CBR3: variants seen among roughly 807,000 people sequenced by gnomAD.
The protein encoded by CBR3 is carbonyl reductase 3.
A neutral mutation model predicts 11.6 loss-of-function variants in CBR3; 14 were observed. The ratio of observed to expected loss-of-function variants is 1.20; its 90% confidence interval spans 0.79 to 1.88. The LOEUF (loss-of-function observed/expected upper bound fraction) is 1.88, where lower values mean the gene tolerates loss of function less well. Among genes scored for constraint, CBR3 ranks in the 40% most tolerant of loss-of-function variants. The probability of loss-of-function intolerance (pLI) is 0.00; values close to 1 mark genes in which losing one functional copy is unlikely to be tolerated. For synonymous variants in CBR3, 125 were observed against 145.6 expected (o/e 0.86, Z 1.02); for missense variants, 308 against 357.3 (o/e 0.86, Z 1.11).
chr21:36,135,122 C>T lies in CBR3; in HGVS notation c.-71C>T. 1.4e-5 allele frequency: 19 copies of T among 1,374,324 alleles called. No individual in the cohort carries two copies. The highest frequency in any genetic ancestry group is 1.8e-5 in the Non-Finnish European group (19 of 1,059,420). The allele number at this position is 1,374,324 out of a possible 1,614,324, so 85.1% of individuals were successfully genotyped here. On this transcript the variant is annotated 5_prime_UTR_variant, in exon 1 of 3. Coordinates refer to ENST00000290354, the MANE Select transcript of CBR3 (RefSeq NM_001236.4). ...CGGCATTGACACTAGCTGGGCTCCT[C>T]GGGGCGCGCCCCAGGTGGTCCGAAG... is the stretch of plus-strand genomic sequence containing the variant.
chr21:36,146,095 T>C lies in CBR3; in HGVS notation c.417T>C (p.Ser139=), dbSNP rs569718937. Residue 139 remains serine (S), a synonymous_variant, in exon 3 of 3, where the codon AGT becomes AGC. Transcript: ENST00000290354. ...TTTCAGGGAGAGTGGTGAATATCAG[T>C]AGTTTGCAGTGTTTAAGGGCTTTTG... The part of the protein sequence containing the change: ...MKPHGRVVNI[S]SLQCLRAFEN... 6.2e-7 allele frequency: 1 copy of C among 1,611,816 alleles called. No homozygotes were observed. The highest frequency in any genetic ancestry group is 1.1e-5 in the South Asian group (1 of 91,048).
chr21:36,145,056 A>T (rs565813086), intron 2 of CBR3: 1 of 152,396 alleles, frequency 6.6e-6, no homozygotes, highest in South Asian at 2.1e-4. Context: ...GTGAGCCAAG[A>T]TTGTGCCACT....
intron 2 of CBR3, chr21:36,138,308 C>A: frequency 6.1e-6 from 1 of 163,872 alleles, no homozygotes; most frequent in East Asian, 1.7e-4. Context: ...CTACCACACC[C>A]GGCTAATTTT....
At chr21:36,136,647 T>C (rs896723550) in intron 1 of CBR3, among the ~76,000 whole-genome samples, 3 of 151,904 alleles carry the variant, frequency 2.0e-5, no homozygotes, top group Non-Finnish European at 4.4e-5. Flanking sequence ...CCTTTCAAGG[T>C]ATGGGGAATG....
chr21:36,143,866 T>G (rs1396081866), intron 2 of CBR3, among the ~76,000 whole-genome samples: 2 of 113,728 alleles, frequency 1.8e-5, no homozygotes, highest in African/African-American at 3.6e-5. Flanking sequence ...GCTGGCAGAG[T>G]GAGATTCTGT....
At chr21:36,135,608 C>G (rs45581835) in intron 1 of CBR3, 127 bp downstream of exon 1, 40,197 of 849,404 alleles carry the variant, frequency 0.047, 1,127 homozygotes, top group Non-Finnish European at 0.056. Flanking sequence ...GGGATGCGCT[C>G]AGCCCACGCC....
chr21:36,141,708 T>A (rs2065710939), intron 2 of CBR3: 1 of 153,346 alleles, frequency 6.5e-6, no homozygotes. Context: ...CACCTGGACC[T>A]CAGTGGAGGG....
intron 1 of CBR3, chr21:36,135,735 C>T (rs111542075): frequency 6.6e-6 from 3 of 453,996 alleles, no homozygotes; most frequent in African/African-American, 4.1e-5. Flanking sequence ...GGGGCCCTCC[C>T]CGAACTGTCA....
intron 1 of CBR3, among the ~76,000 whole-genome samples, chr21:36,135,858 C>T (rs1032931095): frequency 2.6e-5 from 4 of 152,350 alleles, no homozygotes; most frequent in Admixed American, 2.6e-4. Flanking sequence ...AAACGGTCTC[C>T]GCTCGCTTTG....
chr21:36,141,023 A>AAAAG (rs570303594), intron 2 of CBR3, among the ~76,000 whole-genome samples: 12 of 140,592 alleles, frequency 8.5e-5, no homozygotes, highest in African/African-American at 2.0e-4. Context: ...AAAAAAAAAA[A>AAAAG]AAAGAAAGAA....
At chr21:36,143,131 C>G (rs752620332) in intron 2 of CBR3, among the ~76,000 whole-genome samples, 7 of 151,928 alleles carry the variant, frequency 4.6e-5, no homozygotes, top group Non-Finnish European at 7.4e-5. Context: ...ATGGTGAAAC[C>G]CCATCTCTCC....
intron 2 of CBR3, among the ~76,000 whole-genome samples, chr21:36,142,388 C>A (rs967113209): frequency 2.4e-5 from 3 of 124,728 alleles, no homozygotes; most frequent in Non-Finnish European, 4.7e-5. Flanking sequence ...GCCGAGATCA[C>A]GCCACTGCAC....
chr21:36,140,870 T>C (rs2065702402), intron 2 of CBR3, among the ~76,000 whole-genome samples: 1 of 151,784 alleles, frequency 6.6e-6, no homozygotes, highest in Non-Finnish European at 1.5e-5. Context: ...TAGCCAGGCA[T>C]GGTGGTGGGC....
At chr21:36,142,916 G>C (rs1039054490) in intron 2 of CBR3, among the ~76,000 whole-genome samples, 2 of 152,172 alleles carry the variant, frequency 1.3e-5, no homozygotes, top group African/African-American at 4.8e-5. Context: ...CAAGGACAGA[G>C]TGAGGGTATC....
At chr21:36,142,177 A>G (rs538750223) in intron 2 of CBR3, among the ~76,000 whole-genome samples, 79 of 152,184 alleles carry the variant, frequency 5.2e-4, no homozygotes, top group Non-Finnish European at 9.8e-4. Flanking sequence ...TCACGCCTGT[A>G]ATCCCAGCAC....
rs547133870 is a variant in CBR3, at chr21:36,142,356, C to T, written c.398-3720C>T. On this transcript the variant is annotated intron_variant, in intron 2 of 2. Transcript: ENST00000290354. ...CTGAGGCAGGAGAATGGCATGAACC[C>T]GGGAGGTGGAGCTTGCAGTGAGCCG... Among the ~76,000 whole-genome samples, 20 of 136,614 alleles carry T rather than the reference C, an allele frequency of 1.5e-4. 1 individual carries two copies. The highest frequency in any genetic ancestry group is 4.3e-4 in the African/African-American group (16 of 37,106). The allele number at this position is 136,614 out of a possible 152,430, so 89.6% of individuals were successfully genotyped here.
rs58466732 is a variant in CBR3, at chr21:36,137,503, A to AAAGG, written c.290-267_290-264dup. 6.0e-3 allele frequency: 1,141 copies of AAAGG among 189,144 alleles called. 5 individuals carry two copies. Among genetic ancestry groups the AAAGG allele is most frequent in the Admixed American group, 7.2e-3 (112 of 15,526 alleles). The allele number at this position is 189,144 out of a possible 1,614,324, so 11.7% of individuals were successfully genotyped here. ...AAGAAAGAAAGAAAAGAAAAGAAAG[A>AAAGG]AAGGAAGGAAGGAAGGAAGGAAGGA... On this transcript the variant is annotated intron_variant, in intron 1 of 2. Transcript: ENST00000290354.
rs772208537 is a variant in CBR3 at position 36,135,283 on chromosome 21, GGGGATGTGGTGCTCACCGCGC to G, written c.96_116del (p.Val34_Val40del). 1.2e-6 allele frequency: 2 copies of G among 1,608,276 alleles called. No individual in the cohort carries two copies. The highest frequency in any genetic ancestry group is 1.3e-5 in the African/African-American group (1 of 74,806). The stretch of plus-strand genomic sequence containing the variant: ...GCGCGAACTGTGCCGACAGTTCTCT[GGGGATGTGGTGCTCACCGCGC>G]GGGACGTGGCGCGGGGCCAGGCGGC... On this transcript the variant is annotated inframe_deletion, in exon 1 of 3. Transcript: ENST00000290354.
At chr21:36,140,659 A>G (rs2065700952) in intron 2 of CBR3, among the ~76,000 whole-genome samples, 1 of 152,076 alleles carries the variant, frequency 6.6e-6, no homozygotes, top group Non-Finnish European at 1.5e-5. Context: ...CCACTAAAAA[A>G]CTGAGCAAGT....
Sources: allele counts gnomAD v4.1 joint callset (sites outside exome capture counted in the v4.1 genomes callset), GRCh38; gene constraint gnomAD v4.1.1; transcripts MANE v1.5; gene names NCBI Gene and HGNC (gene_info 2026-07-23, HGNC 2026-07-21).